PEMT: variants seen among roughly 807,000 people sequenced by gnomAD.
PEMT encodes the protein phosphatidylethanolamine N-methyltransferase, also known as phospholipid methyltransferase.
A neutral mutation model predicts 27.4 loss-of-function variants in PEMT; 23 were observed. The observed-to-expected ratio is 0.84, with a 90% CI of 0.60 to 1.19. The LOEUF (loss-of-function observed/expected upper bound fraction) is 1.19, where lower values mean the gene tolerates loss of function less well. PEMT is among the 50% of genes most tolerant of loss of function. PEMT has a pLI of 0.00. For synonymous variants in PEMT, 137 were observed against 139.1 expected (o/e 0.98, Z 0.11); for missense variants, 307 against 310.1 (o/e 0.99, Z 0.07).
At chr17:17,565,186 G>C (rs886235182) in intron 2 of PEMT, 1 of 152,506 alleles carries the variant, frequency 6.6e-6, no homozygotes, top group Non-Finnish European at 1.5e-5. Flanking sequence ...CAGGACCTTT[G>C]AGTCAGGCTG....
At chr17:17,569,430 C>T (rs139603857) in intron 2 of PEMT, among the ~76,000 whole-genome samples, 1 of 152,180 alleles carries the variant, frequency 6.6e-6, no homozygotes, top group African/African-American at 2.4e-5. Context: ...TTGGGTGTCC[C>T]CAAGCAAAGA....
At position 17,542,467 on chromosome 17, in the gene PEMT, G is replaced by A. The variant is rs557243347; in HGVS notation, c.205-20072C>T. The stretch of plus-strand genomic sequence containing the variant: ...TCCTCAGCTCACCACGGGCTCCTGG[G>A]ATTACCTCCCGCCACCTCCAACTAC... On this transcript the variant is annotated intron_variant, in intron 2 of 6. Coordinates refer to ENST00000255389, the MANE Select transcript of PEMT (RefSeq NM_148172.3). 3.0e-3 allele frequency among the ~76,000 whole-genome samples: 463 copies of A among 152,270 alleles called. 4 individuals carry two copies. The highest frequency in any genetic ancestry group is 1.9e-3 in the Non-Finnish European group (131 of 68,024).
intron 2 of PEMT, among the ~76,000 whole-genome samples, chr17:17,539,722 A>G (rs141766854): frequency 6.6e-6 from 1 of 152,308 alleles, no homozygotes; most frequent in African/African-American, 2.4e-5. Flanking sequence ...CAGGGGAACC[A>G]TTGCCCTCAT....
At chr17:17,581,204 G>C (rs1911955818) in intron 1 of PEMT, among the ~76,000 whole-genome samples, 2 of 152,156 alleles carry the variant, frequency 1.3e-5, no homozygotes, top group African/African-American at 4.8e-5. Context: ...GGGAAATGCT[G>C]CCTCTCATAA....
At chr17:17,506,087 G>A (rs3816511) in intron 6 of PEMT, 140 bp downstream of exon 6, 624,545 of 961,180 alleles carry the variant, frequency 0.65, 213,550 homozygotes, top group Non-Finnish European at 0.73. Context: ...TACCATGGCC[G>A]CTCTGACCTG....
chr17:17,577,132 G>C, intron 1 of PEMT, 105 bp from the exon 2 acceptor site: 1 of 813,288 alleles, frequency 1.2e-6, no homozygotes, highest in Non-Finnish European at 2.1e-6. Flanking sequence ...TGGGAGGCCT[G>C]GGAACATCCA....
At chr17:17,556,974 G>A (rs995559618) in intron 2 of PEMT, among the ~76,000 whole-genome samples, 1 of 152,150 alleles carries the variant, frequency 6.6e-6, no homozygotes, top group African/African-American at 2.4e-5. Flanking sequence ...CCTCAGTCTT[G>A]GCAGATCCGC....
At chr17:17,509,678 A>G (rs569467272) in intron 4 of PEMT, 133 bp from the exon 5 acceptor site, 5 of 681,214 alleles carry the variant, frequency 7.3e-6, no homozygotes, top group East Asian at 5.5e-5. Flanking sequence ...GAGACTTCAG[A>G]GAGTTCAACA....
intron 3 of PEMT, among the ~76,000 whole-genome samples, chr17:17,520,650 T>C (rs1033512346): frequency 3.3e-5 from 5 of 151,118 alleles, no homozygotes; most frequent in African/African-American, 1.2e-4. Flanking sequence ...CTCCGAGGGG[T>C]GAAAAGCCCT....
intron 2 of PEMT, among the ~76,000 whole-genome samples, chr17:17,530,160 C>G (rs910333864): frequency 6.6e-6 from 1 of 152,126 alleles, no homozygotes; most frequent in Non-Finnish European, 1.5e-5. Context: ...TTACAAATGT[C>G]CTTTGTTGAC....
chr17:17,571,234 C>G (rs915601929), intron 2 of PEMT, among the ~76,000 whole-genome samples: 2 of 152,006 alleles, frequency 1.3e-5, no homozygotes, highest in African/African-American at 4.8e-5. Context: ...TGACTATTCG[C>G]TGAGCAAATG....
Position 17,509,508 on chromosome 17 carries a change from G to A in PEMT, c.504C>T (p.Thr168=), listed in dbSNP as rs1248713093. ...YFGILKEARV[T]VFPFNILDNP... ...TGTCCAGGATGTTGAAGGGGAACAC[G>A]GTCACTCTCGCCTCCTTGAGGATCC... The change falls in exon 5 of 7, where the codon ACC becomes ACT. Residue 168 remains threonine, a synonymous_variant. Transcript: ENST00000255389. The A allele has an allele frequency of 6.2e-6, 10 of 1,613,710 alleles. No homozygotes were observed. The Admixed American group carries it at 6.7e-5, about 11-fold the overall frequency.
intron 2 of PEMT, among the ~76,000 whole-genome samples, chr17:17,531,177 G>A (rs896383858): frequency 6.6e-6 from 1 of 152,100 alleles, no homozygotes; most frequent in Non-Finnish European, 1.5e-5. Flanking sequence ...GCCGATTCCA[G>A]TCTACTCTGG....
chr17:17,592,007 G>A (rs923994063), upstream of PEMT: 1 of 985,238 alleles, frequency 1.0e-6, no homozygotes, highest in Non-Finnish European at 1.2e-6. Flanking sequence ...GGGGCTAGAG[G>A]CCGGGGGCCG....
intron 5 of PEMT, chr17:17,507,071 G>C (rs974370276): frequency 1.7e-6 from 2 of 1,164,118 alleles, no homozygotes; most frequent in African/African-American, 1.5e-5. Flanking sequence ...AGCAGCGGCA[G>C]CTCGTCAGTG....
intron 2 of PEMT, among the ~76,000 whole-genome samples, chr17:17,524,908 G>C (rs1281821980): frequency 6.6e-6 from 1 of 152,200 alleles, no homozygotes; most frequent in African/African-American, 2.4e-5. Flanking sequence ...AAGAGATCCA[G>C]ACCATCCTGG....
At chr17:17,548,254 A>G (rs1909397274) in intron 2 of PEMT, among the ~76,000 whole-genome samples, 2 of 152,252 alleles carry the variant, frequency 1.3e-5, no homozygotes. Context: ...GTGAGGCCAA[A>G]GCTTGAATGC....
At chr17:17,574,645 C>G (rs1375418243) in intron 2 of PEMT, among the ~76,000 whole-genome samples, 1 of 152,194 alleles carries the variant, frequency 6.6e-6, no homozygotes, top group Admixed American at 6.5e-5. Flanking sequence ...CTTAACCACT[C>G]TGCCATTCAT....
At chr17:17,591,028 GGGCAAAAGCT>G (rs1912557297) in intron 1 of PEMT, among the ~76,000 whole-genome samples, 1 of 152,172 alleles carries the variant, frequency 6.6e-6, no homozygotes, top group Non-Finnish European at 1.5e-5. Flanking sequence ...TCTTGCCTCT[GGGCAAAAGCT>G]GGCCTCCTGA....
Sources: gnomAD v4.1 joint callset for allele counts (sites outside exome capture counted in the v4.1 genomes callset) on GRCh38, gnomAD v4.1.1 for gene constraint, MANE v1.5 for transcripts, NCBI Gene and HGNC (gene_info 2026-07-23, HGNC 2026-07-21) for gene names.